ERMP1: variants seen among roughly 807,000 people sequenced by gnomAD.
ERMP1 encodes endoplasmic reticulum metallopeptidase 1.
A neutral mutation model predicts 92.0 loss-of-function variants in ERMP1; 86 were observed. That is an observed-to-expected ratio of 0.93 (90% confidence interval 0.79 to 1.12). The LOEUF (loss-of-function observed/expected upper bound fraction) is 1.12. Ranked by LOEUF, ERMP1 falls within the 50% of genes most tolerant of loss-of-function variation. The pLI is 0.00. For synonymous variants in ERMP1, 530 were observed against 412.8 expected (o/e 1.28, Z -3.44); for missense variants, 1,342 against 1,116.3 (o/e 1.20, Z -2.88).
rs373367436 is a variant in ERMP1 at position 5,841,795 on chromosome 9, G to T, written n.3200-8483C>A. On this transcript the variant is annotated intron_variant and non_coding_transcript_variant, in intron 6 of 6. Coordinates refer to the ERMP1 transcript ENST00000690753. ...TTCCTTCAGGTGAGTTCTTGGTCTC[G>T]CTGACTTCAAGAATGAAGCTGTGGA... Among the ~76,000 whole-genome samples the T allele has an allele frequency of 1.6e-4, 25 of 152,280 alleles. No individual in the cohort carries two copies. In the South Asian group the frequency reaches 4.6e-3, roughly 28 times the overall value.
intron 6 of ERMP1, among the ~76,000 whole-genome samples, chr9:5,840,252 A>AAG (rs371134729): frequency 6.6e-6 from 1 of 151,828 alleles, no homozygotes; most frequent in South Asian, 2.1e-4. Flanking sequence ...AAAAGAAAGA[A>AAG]AGAGAGAGAG....
intron 6 of ERMP1, among the ~76,000 whole-genome samples, chr9:5,857,342 A>T (rs1830389962): frequency 6.6e-6 from 1 of 152,012 alleles, no homozygotes; most frequent in South Asian, 2.1e-4. Flanking sequence ...TCAATATGAG[A>T]GCTGAAATAA....
chr9:5,850,405 C>CAAGAAAA (rs1830294195), intron 6 of ERMP1, among the ~76,000 whole-genome samples: 1 of 40,598 alleles, frequency 2.5e-5, no homozygotes, highest in Non-Finnish European at 4.0e-5. Context: ...AACTCCGTCT[C>CAAGAAAA]AAAAAAAAAA....
intron 4 of ERMP1, among the ~76,000 whole-genome samples, chr9:5,813,884 T>G (rs1829204647): frequency 6.7e-6 from 1 of 148,348 alleles, no homozygotes; most frequent in South Asian, 2.1e-4. Flanking sequence ...ATACGTATAT[T>G]TATATAATTA....
At chr9:5,822,568 G>T (rs1260447643) in intron 4 of ERMP1, among the ~76,000 whole-genome samples, 1 of 152,132 alleles carries the variant, frequency 6.6e-6, no homozygotes, top group Admixed American at 6.5e-5. Context: ...ATAAAATCAG[G>T]TCTTAAGAGG....
At chr9:5,821,987 C>T (rs1212383633) in intron 4 of ERMP1, among the ~76,000 whole-genome samples, 1 of 152,026 alleles carries the variant, frequency 6.6e-6, no homozygotes. Flanking sequence ...GGCGTGGTGG[C>T]TCGTGCCTGT....
At chr9:5,855,587 T>G (rs1249289734) in intron 6 of ERMP1, among the ~76,000 whole-genome samples, 1 of 152,248 alleles carries the variant, frequency 6.6e-6, no homozygotes, top group East Asian at 1.9e-4. Context: ...TATTGAGACA[T>G]GTGCAGAGAT....
intron 11 of ERMP1, among the ~76,000 whole-genome samples, chr9:5,800,028 C>G (rs1828608091): frequency 6.6e-6 from 1 of 152,056 alleles, no homozygotes; most frequent in South Asian, 2.1e-4. Flanking sequence ...TTTTTAAGTC[C>G]TTGAATAATT....
Position 5,787,526 on chromosome 9 carries a change from G to A in ERMP1, c.2454C>T (p.Gly818=), listed in dbSNP as rs1459895433. ...CTTTACTTGTGACTGGGGTGCCATT[G>A]CCAAGAGACCACTGAGAAAGTGTTG... ...KGSTLSQWSL[G]NGTPVTSKGG... is the part of the protein sequence containing the mutation. The change falls in exon 14 of 15, where the codon GGC becomes GGT. Residue 818 remains glycine, a synonymous_variant. Coordinates refer to ENST00000339450, the MANE Select transcript of ERMP1 (RefSeq NM_024896.3). 1 of 1,614,124 alleles carries A rather than the reference G, an allele frequency of 6.2e-7. No individual in the cohort carries two copies. The highest frequency in any genetic ancestry group is 1.7e-5 in the Admixed American group (1 of 60,024).
chr9:5,799,568 C>T (rs575282194), intron 11 of ERMP1, among the ~76,000 whole-genome samples: 1 of 152,282 alleles, frequency 6.6e-6, no homozygotes, highest in East Asian at 1.9e-4. Flanking sequence ...AGCCGGCAAA[C>T]TGCAGCCAAC....
intron 6 of ERMP1, among the ~76,000 whole-genome samples, chr9:5,853,256 C>T (rs1456419001): frequency 6.6e-6 from 1 of 152,180 alleles, no homozygotes; most frequent in Non-Finnish European, 1.5e-5. Flanking sequence ...AATTTATGTC[C>T]TGCTTCTAGG....
At chr9:5,801,021 CA>C (rs1828649119) in intron 11 of ERMP1, among the ~76,000 whole-genome samples, 154 bp downstream of exon 11, 1 of 152,222 alleles carries the variant, frequency 6.6e-6, no homozygotes, top group African/African-American at 2.4e-5. Flanking sequence ...TCTTGACAGT[CA>C]GTCTTCTCCT....
Position 5,805,780 on chromosome 9 carries a change from G to C in ERMP1, c.1554C>G (p.Ala518=). 6.3e-7 allele frequency: 1 copy of C among 1,595,176 alleles called. No homozygotes were observed. Among genetic ancestry groups the C allele is most frequent in the Non-Finnish European group, 8.5e-7 (1 of 1,173,594 alleles). Residue 518 remains alanine, a synonymous_variant, in exon 9 of 15, where the codon GCC becomes GCG. Transcript: ENST00000339450. The stretch of plus-strand genomic sequence containing the variant: ...ATACTTCTCCCAGATACTGGGCACT[G>C]GCATTCTGAAAGAAAGAAAAATATA... The part of the protein sequence containing the change: ...TLAKRFYYMN[A]SAQYLGEVFF...
In ERMP1 at chr9:5,785,514, T is replaced by C. The variant is rs1324485797; in HGVS notation, c.*1630A>G. On this transcript the variant is annotated 3_prime_UTR_variant, in exon 15 of 15. Coordinates refer to ENST00000339450, the MANE Select transcript of ERMP1 (RefSeq NM_024896.3). ...GATTCCAGTGTGCAGTGCTGATGCA[T>C]GTGTGAGCCTAACATGTTATTCAGC... 1 of 152,272 alleles carries C rather than the reference T, an allele frequency of 6.6e-6. No individual in the cohort carries two copies. The highest frequency in any genetic ancestry group is 2.4e-5 in the African/African-American group (1 of 41,446). 9.4% of individuals were successfully genotyped at this position (152,272 alleles called of 1,614,324 possible).
At chr9:5,842,640 C>T (rs911609508) in intron 6 of ERMP1, among the ~76,000 whole-genome samples, 1 of 152,092 alleles carries the variant, frequency 6.6e-6, no homozygotes, top group African/African-American at 2.4e-5. Context: ...AGCAAGTAGA[C>T]TATAAAAAGA....
Position 5,861,172 on chromosome 9 carries a change from T to G in ERMP1, n.3056-1561A>C, listed in dbSNP as rs1389230333. Among the ~76,000 whole-genome samples the G allele has an allele frequency of 8.1e-3, 352 of 43,566 alleles. 1 individual carries two copies. Among genetic ancestry groups the G allele is most frequent in the South Asian group, 0.011 (21 of 1,914 alleles). 28.6% of individuals were successfully genotyped at this position (43,566 alleles called of 152,430 possible). A position where few individuals can be genotyped will look rare whatever the true frequency, so the allele number is the denominator to read the frequency against. On this transcript the variant is annotated intron_variant and non_coding_transcript_variant, in intron 5 of 6. Transcript: ENST00000690753. ...AGTGAACCCACAATGGCTTAGGGGG[T>G]GTGTGTGTGTGTGTGTGTGTGTGTG...
chr9:5,865,993 A>G (rs1323355184), intron 5 of ERMP1, among the ~76,000 whole-genome samples: 1 of 152,022 alleles, frequency 6.6e-6, no homozygotes, highest in Non-Finnish European at 1.5e-5. Flanking sequence ...TTCTTTTTGC[A>G]TTTTCCAAGT....
At chr9:5,837,422 ATAAT>A (rs1340399061), upstream of ERMP1, among the ~76,000 whole-genome samples, 2 of 152,224 alleles carry the variant, frequency 1.3e-5, no homozygotes, top group Admixed American at 1.3e-4. Context: ...TAAGATGAAT[ATAAT>A]TAAATATTTA....
intron 7 of ERMP1, among the ~76,000 whole-genome samples, chr9:5,810,655 AATT>A (rs1381496068): frequency 1.3e-5 from 2 of 152,188 alleles, no homozygotes; most frequent in Non-Finnish European, 2.9e-5. Flanking sequence ...GTTGATAAAG[AATT>A]ATTTAAACTG....
Sources: gnomAD v4.1 joint callset for allele counts (sites outside exome capture counted in the v4.1 genomes callset) on GRCh38, gnomAD v4.1.1 for gene constraint, MANE v1.5 for transcripts, NCBI Gene and HGNC (gene_info 2026-07-23, HGNC 2026-07-21) for gene names.